Variants in ZCCHC7 observed in about 807,000 individuals in gnomAD.
The protein encoded by ZCCHC7 is zinc finger CCHC domain-containing protein 7.
ZCCHC7 carries 35 observed loss-of-function variants against 52.0 expected under a neutral mutation model. The ratio of observed to expected loss-of-function variants is 0.67; its 90% confidence interval spans 0.51 to 0.89. The LOEUF is 0.89. ZCCHC7 is among the 40% of genes least tolerant of loss of function. ZCCHC7 has a pLI of 0.00. For synonymous variants in ZCCHC7, 217 were observed against 221.5 expected (o/e 0.98, Z 0.18); for missense variants, 574 against 649.1 (o/e 0.88, Z 1.26).
In ZCCHC7 at chr9:37,164,318, G is replaced by A. The variant is rs554793427; in HGVS notation, c.610+37376G>A. Among the ~76,000 whole-genome samples, 38 of 152,170 alleles carry A rather than the reference G, an allele frequency of 2.5e-4. No homozygotes were observed. The South Asian group carries it at 6.4e-3, about 26-fold the overall frequency. ...AAATTAGCCAGGCATGATACTGTGT[G>A]CCTGTAATCCCAGCTCCTTGGGAGG... On this transcript the variant is annotated intron_variant, in intron 2 of 8. Coordinates refer to ENST00000336755, the MANE Select transcript of ZCCHC7 (RefSeq NM_032226.3).
intron 6 of ZCCHC7, among the ~76,000 whole-genome samples, chr9:37,334,808 T>C (rs1830582277): frequency 6.6e-6 from 1 of 152,002 alleles, no homozygotes; most frequent in African/African-American, 2.4e-5. Flanking sequence ...TAGAAAGCAT[T>C]TAACAAAAAA....
At chr9:37,302,684 A>G (rs1829090507) in intron 3 of ZCCHC7, among the ~76,000 whole-genome samples, 1 of 152,266 alleles carries the variant, frequency 6.6e-6, no homozygotes, top group African/African-American at 2.4e-5. Flanking sequence ...CCACTTGGCC[A>G]GTTCAGCAAA....
At chr9:37,135,840 A>G (rs564362298) in intron 2 of ZCCHC7, among the ~76,000 whole-genome samples, 1 of 152,326 alleles carries the variant, frequency 6.6e-6, no homozygotes, top group African/African-American at 2.4e-5. Context: ...TTTCTCCCAA[A>G]ACTATACACA....
chr9:37,153,488 G>C (rs568200654), intron 2 of ZCCHC7, among the ~76,000 whole-genome samples: 1 of 151,468 alleles, frequency 6.6e-6, no homozygotes, highest in African/African-American at 2.4e-5. Context: ...ATTATTTGTG[G>C]TTATTTTTTA....
intron 2 of ZCCHC7, among the ~76,000 whole-genome samples, chr9:37,269,653 A>AAGTTCT (rs1382286735): frequency 6.8e-6 from 1 of 147,374 alleles, no homozygotes; most frequent in South Asian, 2.1e-4. Context: ...AAAACAAAAG[A>AAGTTCT]AGTTCTAGGC....
intron 2 of ZCCHC7, among the ~76,000 whole-genome samples, chr9:37,161,000 A>C (rs1588401760): frequency 6.6e-6 from 1 of 150,598 alleles, no homozygotes; most frequent in African/African-American, 2.4e-5. Flanking sequence ...CCCAGGCTGG[A>C]GTACAGTGGC....
intron 2 of ZCCHC7, among the ~76,000 whole-genome samples, chr9:37,265,855 G>A (rs1327306929): frequency 1.3e-5 from 2 of 151,976 alleles, no homozygotes; most frequent in Non-Finnish European, 2.9e-5. Flanking sequence ...CAGGCTGTAT[G>A]CCATAGCACT....
chr9:37,312,616 T>C (rs1013210793), intron 5 of ZCCHC7, among the ~76,000 whole-genome samples: 6 of 152,204 alleles, frequency 3.9e-5, no homozygotes, highest in African/African-American at 1.4e-4. Context: ...TCACATGCAG[T>C]TTTAAGAAAT....
At chr9:37,280,966 T>C (rs1827930297) in intron 2 of ZCCHC7, among the ~76,000 whole-genome samples, 1 of 152,204 alleles carries the variant, frequency 6.6e-6, no homozygotes, top group Non-Finnish European at 1.5e-5. Flanking sequence ...GTAATACATA[T>C]GGCAACTATA....
In ZCCHC7 at chr9:37,271,866, G is replaced by A. The variant is rs547311778; in HGVS notation, c.611-30322G>A. Among the ~76,000 whole-genome samples the A allele has an allele frequency of 4.6e-5, 7 of 152,192 alleles. No individual in the cohort carries two copies. The South Asian group carries it at 6.2e-4, about 14-fold the overall frequency. On this transcript the variant is annotated intron_variant, in intron 2 of 8. Coordinates refer to ENST00000336755, the MANE Select transcript of ZCCHC7 (RefSeq NM_032226.3). ...ATTATATGCGTGAGTCACTGCGCCC[G>A]GCCATTATTTATCTTTTAGACATAG...
intron 2 of ZCCHC7, among the ~76,000 whole-genome samples, chr9:37,202,093 A>G (rs1313630486): frequency 1.3e-5 from 2 of 152,264 alleles, no homozygotes; most frequent in Non-Finnish European, 2.9e-5. Flanking sequence ...TGTCTCTGAT[A>G]TAATGCATAA....
chr9:37,177,716 C>A (rs1266829892), intron 2 of ZCCHC7, among the ~76,000 whole-genome samples: 1 of 152,142 alleles, frequency 6.6e-6, no homozygotes, highest in African/African-American at 2.4e-5. Flanking sequence ...ATGAGAATGG[C>A]AGTTTACCGC....
intron 2 of ZCCHC7, among the ~76,000 whole-genome samples, chr9:37,134,913 A>T (rs1048734992): frequency 8.6e-5 from 13 of 152,024 alleles, no homozygotes; most frequent in South Asian, 2.1e-4. Context: ...TTTAGTAGAG[A>T]TGGGGGTTTC....
chr9:37,287,978 T>A (rs1411351178), intron 2 of ZCCHC7, among the ~76,000 whole-genome samples: 2 of 151,998 alleles, frequency 1.3e-5, no homozygotes, highest in Non-Finnish European at 2.9e-5. Flanking sequence ...AAAGACCTTC[T>A]GTCAATATTC....
chr9:37,306,666 C>T (rs1287729507), intron 5 of ZCCHC7, among the ~76,000 whole-genome samples: 7 of 142,154 alleles, frequency 4.9e-5, no homozygotes, highest in East Asian at 4.5e-4. Flanking sequence ...GGTTTCACCA[C>T]GTTGGCCAGG....
chr9:37,333,781 A>T (rs936663097), intron 6 of ZCCHC7: 2 of 151,850 alleles, frequency 1.3e-5, no homozygotes, highest in Admixed American at 1.3e-4. Context: ...TATATAACAC[A>T]CTTTAAAAAT....
At chr9:37,124,386 C>G (rs912930981) in intron 1 of ZCCHC7, among the ~76,000 whole-genome samples, 1 of 151,640 alleles carries the variant, frequency 6.6e-6, no homozygotes, top group African/African-American at 2.4e-5. Context: ...TAAGCACATA[C>G]TAGATTTATC....
chr9:37,166,533 C>T (rs1821431543), intron 2 of ZCCHC7, among the ~76,000 whole-genome samples: 1 of 151,720 alleles, frequency 6.6e-6, no homozygotes, highest in South Asian at 2.1e-4. Context: ...TGATTTTTCT[C>T]TATTTTTTTT....
At position 37,200,205 on chromosome 9, in the gene ZCCHC7, ATG is replaced by A. The variant is rs1823561494; in HGVS notation, c.610+73265_610+73266del. ...GTTATCTTTTTCTGTTTTCTTCTCCATGTTCACTTCCTTTTTTTATTATCTTT... is the reference window on the plus strand; with the variant it reads ...GTTATCTTTTTCTGTTTTCTTCTCCATTCACTTCCTTTTTTTATTATCTTT... On this transcript the variant is annotated intron_variant, in intron 2 of 8. Transcript: ENST00000336755. Among the ~76,000 whole-genome samples the A allele has an allele frequency of 2.7e-5, 4 of 150,064 alleles. No homozygotes were observed. In the South Asian group the frequency reaches 8.4e-4, roughly 31 times the overall value.
Sources: gnomAD v4.1 joint callset for allele counts (sites outside exome capture counted in the v4.1 genomes callset) on GRCh38, gnomAD v4.1.1 for gene constraint, MANE v1.5 for transcripts, NCBI Gene and HGNC (gene_info 2026-07-23, HGNC 2026-07-21) for gene names.